MYO10: variants seen among roughly 807,000 people sequenced by gnomAD.
The protein encoded by MYO10 is unconventional myosin-X.
A neutral mutation model predicts 257.3 loss-of-function variants in MYO10; 133 were observed. The observed-to-expected ratio is 0.52, with a 90% CI of 0.45 to 0.60. The LOEUF is 0.60. MYO10 is among the 20% of genes least tolerant of loss of function. The probability of loss-of-function intolerance (pLI) is 0.00; values close to 1 mark genes in which losing one functional copy is unlikely to be tolerated. For missense variants in MYO10, 2,399 were observed against 2,635.7 expected (o/e 0.91, Z 1.97); for synonymous variants, 1,104 against 1,028.6 (o/e 1.07, Z -1.40).
At chr5:16,750,569 A>G (rs930199535) in intron 19 of MYO10, among the ~76,000 whole-genome samples, 2 of 152,160 alleles carry the variant, frequency 1.3e-5, no homozygotes, top group Non-Finnish European at 2.9e-5. Flanking sequence ...TAGCCCGGCG[A>G]GTGTGTGAGT....
intron 1 of MYO10, among the ~76,000 whole-genome samples, chr5:16,884,532 A>C (rs1027332282): frequency 6.6e-6 from 1 of 152,230 alleles, no homozygotes; most frequent in Non-Finnish European, 1.5e-5. Context: ...CTCAGTGAAG[A>C]AGTCACCTGG....
chr5:16,755,452 ACCGCGCCCGG>A (rs1740501837), intron 18 of MYO10, among the ~76,000 whole-genome samples: 1 of 152,252 alleles, frequency 6.6e-6, no homozygotes, highest in Admixed American at 6.5e-5. Flanking sequence ...GGCGTGAGCC[ACCGCGCCCGG>A]CCTGAAATAG....
At chr5:16,702,736 G>A (rs567741057) in intron 23 of MYO10, 148 bp from the exon 24 acceptor site, 133 of 936,888 alleles carry the variant, frequency 1.4e-4, no homozygotes, top group Non-Finnish European at 2.6e-5. Flanking sequence ...TATTCTGTAT[G>A]AATAAAAATA....
chr5:16,776,965 A>G (rs1231614688), intron 9 of MYO10, among the ~76,000 whole-genome samples: 2 of 152,204 alleles, frequency 1.3e-5, no homozygotes, highest in African/African-American at 4.8e-5. Context: ...AAGAAATAAA[A>G]TAGGAAAAAA....
chr5:16,900,442 A>G (rs1228020843), intron 1 of MYO10, among the ~76,000 whole-genome samples: 2 of 152,098 alleles, frequency 1.3e-5, no homozygotes, highest in South Asian at 2.1e-4. Flanking sequence ...CTGAACAGAG[A>G]AAAAAACTAC....
At chr5:16,757,383 C>T (rs914008763) in intron 18 of MYO10, among the ~76,000 whole-genome samples, 1 of 149,936 alleles carries the variant, frequency 6.7e-6, no homozygotes, top group African/African-American at 2.5e-5. Flanking sequence ...CCTGGCAAAC[C>T]GACCTTCTAG....
At chr5:16,928,045 T>G (rs139531375) in intron 1 of MYO10, among the ~76,000 whole-genome samples, 2 of 152,248 alleles carry the variant, frequency 1.3e-5, no homozygotes, top group Non-Finnish European at 2.9e-5. Context: ...CTCAGAATCT[T>G]TAACTGAAAA....
intron 19 of MYO10, among the ~76,000 whole-genome samples, chr5:16,739,050 A>G (rs60500565): frequency 0.21 from 32,628 of 151,902 alleles, 4,921 homozygotes; most frequent in African/African-American, 0.4. Flanking sequence ...AGCCAGGAGC[A>G]GTGGTGTGCC....
At chr5:16,844,937 TAC>T (rs758225533) in intron 2 of MYO10, among the ~76,000 whole-genome samples, 1,569 of 144,820 alleles carry the variant, frequency 0.011, 23 homozygotes, top group African/African-American at 0.032. Context: ...TAATTCCAGA[TAC>T]ACACACACAC....
Position 16,668,298 on chromosome 5 carries a change from C to G in MYO10, c.6054G>C (p.Glu2018Asp), listed in dbSNP as rs746817781. The G allele has an allele frequency of 1.9e-6, 3 of 1,612,960 alleles. No individual in the cohort carries two copies. Among genetic ancestry groups the G allele is most frequent in the Non-Finnish European group, 1.7e-6 (2 of 1,179,506 alleles). Residue 2018 changes from glutamate to aspartate, a missense_variant, in exon 40 of 41, where the codon GAG (glutamate) becomes GAC (aspartate). Around this residue, in one of 3 missense-constraint regions of MYO10, gnomAD observed 1,820 missense variants for 1,939.4 expected, o/e 0.94. Transcript: ENST00000513610. ...NTYKIVVDERELLFETSEVVD... is the reference protein window; with the variant it reads ...NTYKIVVDERDLLFETSEVVD... ...TTACCTCACTGGTTTCAAAGAGCAG[C>G]TCCCTCTCATCGACCACGATCTTAT...
intron 19 of MYO10, among the ~76,000 whole-genome samples, chr5:16,752,061 G>A (rs1244933237): frequency 6.6e-6 from 1 of 152,140 alleles, no homozygotes; most frequent in Non-Finnish European, 1.5e-5. Context: ...CAATTTATAG[G>A]AAAAACTAAC....
Position 16,711,141 on chromosome 5 carries a change from G to T in MYO10, c.2034C>A (p.Pro678=). The part of the protein sequence containing the change: ...IRKAGYAVRR[P]FQDFYKRYKV... ...CTTGCCTTTTGTAAAAGTCCTGAAAGGGTCTTCGGACCGCATACCCAGCTT... is the reference window on the plus strand; with the variant it reads ...CTTGCCTTTTGTAAAAGTCCTGAAATGGTCTTCGGACCGCATACCCAGCTT... Residue 678 remains proline, a synonymous_variant, in exon 20 of 41, where the codon CCC becomes CCA. Coordinates refer to ENST00000513610, the MANE Select transcript of MYO10 (RefSeq NM_012334.3). The T allele has an allele frequency of 1.9e-6, 3 of 1,613,912 alleles. No homozygotes were observed. Among genetic ancestry groups the T allele is most frequent in the Non-Finnish European group, 1.7e-6 (2 of 1,179,860 alleles).
chr5:16,771,226 G>A (rs181578824), intron 9 of MYO10, among the ~76,000 whole-genome samples: 81 of 151,970 alleles, frequency 5.3e-4, no homozygotes, highest in Admixed American at 5.1e-3. Context: ...CCTAGAAATC[G>A]AACATGTACA....
chr5:16,702,689 G>A (rs189073216), intron 23 of MYO10, 101 bp from the exon 24 acceptor site: 233 of 1,192,096 alleles, frequency 2.0e-4, no homozygotes, highest in Non-Finnish European at 1.2e-4. Context: ...AAGACAGAAA[G>A]CATGAAAGAC....
chr5:16,711,155 C>G lies in MYO10; in HGVS notation c.2020G>C (p.Ala674Pro). 1 of 1,613,916 alleles carries G rather than the reference C, an allele frequency of 6.2e-7. No homozygotes were observed. Among genetic ancestry groups the G allele is most frequent in the East Asian group, 2.2e-5 (1 of 44,866 alleles). The part of the protein sequence containing the change: ...ETVRIRKAGY[A>P]VRRPFQDFYK... ...AAGTCCTGAAAGGGTCTTCGGACCG[C>G]ATACCCAGCTTTGCGGATTCTCACA... is the stretch of plus-strand genomic sequence containing the variant. The change falls in exon 20 of 41, where the codon GCG becomes CCG. Residue 674 changes from alanine to proline, a missense_variant. Physicochemically the swap from Ala to Pro is conservative, Grantham distance 27 (BLOSUM62 -1). Transcript: ENST00000513610.
intron 1 of MYO10, among the ~76,000 whole-genome samples, chr5:16,911,961 G>A (rs1379907009): frequency 2.0e-5 from 3 of 152,200 alleles, no homozygotes; most frequent in Middle Eastern, 3.4e-3. Context: ...CTTTAACCTG[G>A]GAGGCGGAGG....
At chr5:16,829,650 A>G (rs1580049621) in intron 2 of MYO10, among the ~76,000 whole-genome samples, 1 of 152,192 alleles carries the variant, frequency 6.6e-6, no homozygotes, top group East Asian at 1.9e-4. Flanking sequence ...GGCTGCAGGC[A>G]GGCTAACAGG....
rs1213920884 is a variant in MYO10, at chr5:16,792,188, CAG to C, written c.467+2456_467+2457del. On this transcript the variant is annotated intron_variant, in intron 4 of 40. Coordinates refer to ENST00000513610, the MANE Select transcript of MYO10 (RefSeq NM_012334.3). ...AGGGAGAGACAGAGACAGACAGAGA[CAG>C]AGACAGAATTCAGCTGTTCATATAC... 1.4e-3 allele frequency among the ~76,000 whole-genome samples: 202 copies of C among 145,670 alleles called. 1 individual carries two copies. Among genetic ancestry groups the C allele is most frequent in the African/African-American group, 4.8e-3 (186 of 38,842 alleles).
intron 2 of MYO10, among the ~76,000 whole-genome samples, chr5:16,821,946 A>G (rs967860809): frequency 7.3e-5 from 11 of 151,134 alleles, no homozygotes; most frequent in African/African-American, 2.7e-4. Context: ...TTATTTCAAG[A>G]TACAGGATTG....
Sources: gnomAD v4.1 joint callset for allele counts (sites outside exome capture counted in the v4.1 genomes callset) on GRCh38, gnomAD v4.1.1 for gene constraint, gnomAD v4.1.1 regional missense constraint, MANE v1.5 for transcripts, NCBI Gene and HGNC (gene_info 2026-07-23, HGNC 2026-07-21) for gene names.